The following TRPS1 variants were observed in gnomAD, a reference collection of about 807,000 sequenced individuals.
TRPS1 encodes transcriptional repressor GATA binding 1.
Under a neutral mutation model 101.2 loss-of-function variants are expected in TRPS1, and 6 were observed. The ratio of observed to expected loss-of-function variants is 0.06; its 90% confidence interval spans 0.03 to 0.12. TRPS1 has a LOEUF of 0.12. TRPS1 is among the 10% of genes least tolerant of loss of function. The pLI is 1.00. For synonymous variants in TRPS1, 578 were observed against 589.8 expected, an observed-to-expected ratio of 0.98 and a Z score of 0.29; for missense variants, 1,363 against 1,567.0, an observed-to-expected ratio of 0.87 and a Z score of 2.20.
chr8:115,507,769 A>G (rs1815483408), intron 5 of TRPS1, among the ~76,000 whole-genome samples: 1 of 152,126 alleles, frequency 6.6e-6, no homozygotes, highest in Admixed American at 6.6e-5. Context: ...AAGCAAACAG[A>G]TTGAGAAGTA....
At chr8:115,469,675 T>C (rs1321581439) in intron 5 of TRPS1, among the ~76,000 whole-genome samples, 1 of 152,052 alleles carries the variant, frequency 6.6e-6, no homozygotes, top group Non-Finnish European at 1.5e-5. Context: ...AAATCAGGCT[T>C]CCGCCACCAA....
rs1812741295 is a variant in TRPS1 at position 115,409,636 on chromosome 8, A to C, written c.*4387T>G. 1 of 152,098 alleles carries C rather than the reference A, an allele frequency of 6.6e-6. No individual in the cohort carries two copies. Among genetic ancestry groups the C allele is most frequent in the Non-Finnish European group, 1.5e-5 (1 of 67,994 alleles). The allele number at this position is 152,098 out of a possible 1,614,324, so 9.4% of individuals were successfully genotyped here. ...CCCACTGTCTATGAAACAGTACTGA[A>C]AAACCAAAAGGAAGTGCTCTGCAAA... On this transcript the variant is annotated 3_prime_UTR_variant, in exon 7 of 7. Transcript: ENST00000395715.
intron 5 of TRPS1, among the ~76,000 whole-genome samples, chr8:115,528,824 C>A (rs995268355): frequency 2.6e-5 from 4 of 151,806 alleles, no homozygotes; most frequent in Non-Finnish European, 2.9e-5. Context: ...GTATAACATG[C>A]AGTTATAAAG....
chr8:115,562,871 AGTGTCTGT>A (rs1816978500), intron 5 of TRPS1, among the ~76,000 whole-genome samples: 1 of 100,952 alleles, frequency 9.9e-6, no homozygotes, highest in African/African-American at 3.7e-5. Context: ...CCCTACCCAC[AGTGTCTGT>A]GTGTGTGTGT....
At chr8:115,603,381 A>T (rs1012795309) in intron 4 of TRPS1, among the ~76,000 whole-genome samples, 106 of 152,334 alleles carry the variant, frequency 7.0e-4, no homozygotes, top group African/African-American at 2.3e-3. Flanking sequence ...AGGATGTTGC[A>T]GAATTGTTCA....
chr8:115,500,634 A>G (rs1479878750), intron 5 of TRPS1, among the ~76,000 whole-genome samples: 2 of 152,092 alleles, frequency 1.3e-5, no homozygotes, highest in Non-Finnish European at 2.9e-5. Flanking sequence ...CTGTGCTGTG[A>G]TCTCAGCTCA....
chr8:115,457,142 G>A (rs1441653655), intron 5 of TRPS1, among the ~76,000 whole-genome samples: 1 of 152,136 alleles, frequency 6.6e-6, no homozygotes, highest in Non-Finnish European at 1.5e-5. Context: ...AGAAAGTGTG[G>A]TGTGCACCAA....
intron 6 of TRPS1, 134 bp from the exon 7 acceptor site, chr8:115,415,218 T>C: frequency 1.0e-6 from 1 of 965,942 alleles, no homozygotes; most frequent in South Asian, 1.9e-5. Context: ...ATTTACTAAA[T>C]CTCCTCCTTT....
chr8:115,568,747 T>C (rs1027904218), intron 5 of TRPS1, among the ~76,000 whole-genome samples: 2 of 152,134 alleles, frequency 1.3e-5, no homozygotes, highest in Admixed American at 1.3e-4. Flanking sequence ...ACTTCAACCA[T>C]ATCAGCAAAT....
intron 5 of TRPS1, among the ~76,000 whole-genome samples, chr8:115,583,993 T>C (rs1198839859): frequency 6.6e-6 from 1 of 152,000 alleles, no homozygotes; most frequent in African/African-American, 2.4e-5. Flanking sequence ...CTTCCTCACT[T>C]TGAGAAGTAC....
rs143503234 is a variant in TRPS1, at chr8:115,634,830, T to G, written c.-121-11072A>C. ...TTATGACAGTCATTAAGAAAGAAAA[T>G]TGCAGCCTACTAAGTGTTTACCATC... On this transcript the variant is annotated intron_variant, in intron 1 of 6. Coordinates refer to ENST00000395715, the MANE Select transcript of TRPS1 (RefSeq NM_014112.5). Among the ~76,000 whole-genome samples the G allele has an allele frequency of 7.1e-4, 105 of 147,838 alleles. No individual in the cohort carries two copies. The East Asian group carries it at 0.013, about 19-fold the overall frequency.
At chr8:115,569,713 G>C (rs1817155322) in intron 5 of TRPS1, among the ~76,000 whole-genome samples, 1 of 151,894 alleles carries the variant, frequency 6.6e-6, no homozygotes, top group African/African-American at 2.4e-5. Flanking sequence ...ACACATTTCT[G>C]GTTATCTTGA....
At chr8:115,489,272 T>C (rs1814962521) in intron 5 of TRPS1, among the ~76,000 whole-genome samples, 1 of 152,198 alleles carries the variant, frequency 6.6e-6, no homozygotes, top group Non-Finnish European at 1.5e-5. Flanking sequence ...TGTAGCCACA[T>C]TGTCCAGTTA....
intron 1 of TRPS1, among the ~76,000 whole-genome samples, chr8:115,631,448 C>T (rs980330078): frequency 6.6e-6 from 1 of 152,010 alleles, no homozygotes; most frequent in African/African-American, 2.4e-5. Flanking sequence ...CCAGGTGCAA[C>T]ACATCTGAGG....
At chr8:115,539,687 A>T (rs1297057934) in intron 5 of TRPS1, among the ~76,000 whole-genome samples, 3 of 152,032 alleles carry the variant, frequency 2.0e-5, no homozygotes, top group Non-Finnish European at 2.9e-5. Flanking sequence ...AAATTAAAAT[A>T]AAAATAAATA....
chr8:115,529,290 T>C (rs1210945640), intron 5 of TRPS1, among the ~76,000 whole-genome samples: 3 of 151,994 alleles, frequency 2.0e-5, no homozygotes, highest in African/African-American at 7.2e-5. Context: ...AAAATCTAAG[T>C]GTAGACCTTC....
chr8:115,520,720 T>G (rs1418847476), intron 5 of TRPS1, among the ~76,000 whole-genome samples: 3 of 96 alleles, frequency 0.031, no homozygotes, highest in African/African-American at 0.042. Context: ...TTACTATTAA[T>G]TAAAGTTCTT....
At chr8:115,539,568 G>A (rs557239661) in intron 5 of TRPS1, among the ~76,000 whole-genome samples, 17 of 152,272 alleles carry the variant, frequency 1.1e-4, no homozygotes, top group African/African-American at 4.1e-4. Context: ...GGCCAGGCAT[G>A]GTGGCTCATG....
At chr8:115,531,476 G>A (rs1243936700) in intron 5 of TRPS1, among the ~76,000 whole-genome samples, 1 of 152,034 alleles carries the variant, frequency 6.6e-6, no homozygotes, top group African/African-American at 2.4e-5. Flanking sequence ...AAGCTTCAGA[G>A]GAAAATGTAA....
Sources: allele counts gnomAD v4.1 joint callset (sites outside exome capture counted in the v4.1 genomes callset), GRCh38; gene constraint gnomAD v4.1.1; transcripts MANE v1.5; gene names NCBI Gene and HGNC (gene_info 2026-07-23, HGNC 2026-07-21).